Variants in TMEM156 observed in about 807,000 individuals in gnomAD.
TMEM156 encodes transmembrane protein 156.
In TMEM156, 28 loss-of-function variants were observed where a neutral mutation model predicts 30.5. That is an observed-to-expected ratio of 0.92 (90% CI 0.68 to 1.26). The LOEUF is 1.26. TMEM156 is among the 50% of genes most tolerant of loss of function. TMEM156 has a pLI of 0.00. For missense variants in TMEM156, 351 were observed against 340.6 expected, an observed-to-expected ratio of 1.03 and a Z score of -0.24; for synonymous variants, 137 against 119.9, an observed-to-expected ratio of 1.14 and a Z score of -0.93.
At chr4:39,025,249 G>C (rs1163811158) in intron 1 of TMEM156, among the ~76,000 whole-genome samples, 1 of 151,306 alleles carries the variant, frequency 6.6e-6, no homozygotes, top group African/African-American at 2.4e-5. Flanking sequence ...TTGGCAGGCT[G>C]CGGCAGAAGA....
At chr4:39,010,802 T>C (rs932359587) in intron 1 of TMEM156, among the ~76,000 whole-genome samples, 1 of 152,100 alleles carries the variant, frequency 6.6e-6, no homozygotes, top group Non-Finnish European at 1.5e-5. Context: ...CCTCAAACTA[T>C]AAAAATCCTA....
At chr4:38,971,374 C>G (rs186826938) in intron 5 of TMEM156, among the ~76,000 whole-genome samples, 1 of 152,128 alleles carries the variant, frequency 6.6e-6, no homozygotes, top group East Asian at 1.9e-4. Context: ...AGGAAGACAA[C>G]GTAGAGAACA....
At chr4:38,998,075 C>A (rs528330249) in intron 2 of TMEM156, among the ~76,000 whole-genome samples, 1 of 152,196 alleles carries the variant, frequency 6.6e-6, no homozygotes, top group South Asian at 2.1e-4. Context: ...GAGTATATGC[C>A]AAATAATCCT....
chr4:38,968,905 G>A (rs537721512), intron 6 of TMEM156, among the ~76,000 whole-genome samples: 32 of 152,216 alleles, frequency 2.1e-4, no homozygotes, highest in South Asian at 2.1e-3. Flanking sequence ...AACTGCCTCC[G>A]CTGGGCTCCA....
chr4:38,992,681 ATTATATAATATAT>A (rs1560366613), intron 3 of TMEM156, among the ~76,000 whole-genome samples: 3 of 92,120 alleles, frequency 3.3e-5, no homozygotes, highest in African/African-American at 1.2e-4. Context: ...TATATAATAT[ATTATATAATATAT>A]TATATAATAT....
intron 1 of TMEM156, among the ~76,000 whole-genome samples, chr4:39,006,677 G>C (rs1172443702): frequency 6.6e-6 from 1 of 152,126 alleles, no homozygotes; most frequent in Non-Finnish European, 1.5e-5. Flanking sequence ...AGCCCTTTGG[G>C]AGGCCAAGGT....
intron 1 of TMEM156, among the ~76,000 whole-genome samples, chr4:39,001,899 T>C (rs149409835): frequency 0.19 from 23,634 of 124,892 alleles, 2,882 homozygotes; most frequent in East Asian, 0.36. Context: ...GGATTAAAGA[T>C]TTAAACGTTA....
At chr4:38,979,601 G>A (rs1356814892) in intron 5 of TMEM156, among the ~76,000 whole-genome samples, 3 of 152,182 alleles carry the variant, frequency 2.0e-5, no homozygotes, top group African/African-American at 7.2e-5. Flanking sequence ...ATGGGTAGCT[G>A]ACCTTGGAAA....
At chr4:38,991,744 T>C (rs1387526407) in intron 3 of TMEM156, among the ~76,000 whole-genome samples, 1 of 152,162 alleles carries the variant, frequency 6.6e-6, no homozygotes, top group Non-Finnish European at 1.5e-5. Flanking sequence ...AGAAAAAATA[T>C]AAAATACAGT....
intron 5 of TMEM156, among the ~76,000 whole-genome samples, chr4:38,974,075 GTGTGTGTGTA>G (rs1478392104): frequency 6.6e-6 from 1 of 151,630 alleles, no homozygotes; most frequent in Non-Finnish European, 1.5e-5. Flanking sequence ...GTGTGTGTGT[GTGTGTGTGTA>G]TGTGTGTGTG....
intron 5 of TMEM156, among the ~76,000 whole-genome samples, chr4:38,982,793 G>A (rs926845525): frequency 6.6e-6 from 1 of 152,100 alleles, no homozygotes; most frequent in African/African-American, 2.4e-5. Context: ...TCTTTTTGAT[G>A]GACATATAGG....
intron 5 of TMEM156, chr4:38,980,783 G>T (rs1723140468): frequency 4.3e-6 from 1 of 234,448 alleles, no homozygotes; most frequent in South Asian, 1.5e-4. Context: ...CAGGGTGGGA[G>T]GGGAGCAGGT....
At chr4:38,998,543 C>CAAG in intron 2 of TMEM156, 97 bp downstream of exon 2, 2 of 843,022 alleles carry the variant, frequency 2.4e-6, no homozygotes, top group East Asian at 8.6e-5. Context: ...GACTCCATCT[C>CAAG]AAAAAAAAAA....
intron 1 of TMEM156, chr4:39,028,411 T>C (rs149038253): frequency 3.4e-4 from 52 of 152,320 alleles, no homozygotes; most frequent in African/African-American, 1.1e-3. Flanking sequence ...TCTTTGCAAA[T>C]GGAAATACAA....
At chr4:39,001,214 C>CAAAAAAAAA (rs34945666) in intron 1 of TMEM156, among the ~76,000 whole-genome samples, 54 of 114,928 alleles carry the variant, frequency 4.7e-4, no homozygotes, top group Non-Finnish European at 5.9e-4. Context: ...ACTAAAAATA[C>CAAAAAAAAA]AAAAAAAAAA....
At chr4:38,990,163 T>C (rs1252594595) in intron 3 of TMEM156, among the ~76,000 whole-genome samples, 2 of 152,250 alleles carry the variant, frequency 1.3e-5, no homozygotes, top group Non-Finnish European at 2.9e-5. Flanking sequence ...CTAGTACTTA[T>C]GCACCTTAGC....
At chr4:38,998,103 A>G (rs73236694) in intron 2 of TMEM156, among the ~76,000 whole-genome samples, 36,207 of 152,130 alleles carry the variant, frequency 0.24, 4,737 homozygotes, top group East Asian at 0.46. Context: ...TCATGTGTAT[A>G]TGAATTACAG....
chr4:39,005,126 A>G (rs749805836), intron 1 of TMEM156, among the ~76,000 whole-genome samples: 1 of 152,220 alleles, frequency 6.6e-6, no homozygotes, highest in African/African-American at 2.4e-5. Context: ...TCAAGTGACT[A>G]TATATTGTAT....
At chr4:39,006,523 T>C (rs1268157010) in intron 1 of TMEM156, among the ~76,000 whole-genome samples, 1 of 152,148 alleles carries the variant, frequency 6.6e-6, no homozygotes, top group Non-Finnish European at 1.5e-5. Context: ...AATTTGAGCT[T>C]TGTGTCTGAA....
Sources: allele counts gnomAD v4.1 joint callset (sites outside exome capture counted in the v4.1 genomes callset), GRCh38; gene constraint gnomAD v4.1.1; transcripts MANE v1.5; gene names NCBI Gene and HGNC (gene_info 2026-07-23, HGNC 2026-07-21).